Variants in DENND2A observed in about 807,000 individuals in gnomAD.
DENND2A encodes the protein DENN domain-containing protein 2A.
A neutral mutation model predicts 105.3 loss-of-function variants in DENND2A; 53 were observed. The ratio of observed to expected loss-of-function variants is 0.50; its 90% CI spans 0.40 to 0.63. The LOEUF is 0.63. Ranked by LOEUF, DENND2A falls within the 30% of genes least tolerant of loss-of-function variation. The probability of loss-of-function intolerance (pLI) is 0.00; values close to 1 mark genes in which losing one functional copy is unlikely to be tolerated. For synonymous variants in DENND2A, 522 were observed against 508.4 expected, an observed-to-expected ratio of 1.03 and a Z score of -0.36; for missense variants, 1,138 against 1,279.6, an observed-to-expected ratio of 0.89 and a Z score of 1.69.
rs535097603 is a variant in DENND2A, at chr7:140,556,656, C to T, written c.1960-943G>A. Among the ~76,000 whole-genome samples, 535 of 152,286 alleles carry T rather than the reference C, an allele frequency of 3.5e-3. 4 individuals are homozygous for T. The highest frequency in any genetic ancestry group is 6.2e-3 in the South Asian group (30 of 4,828). Reference sequence around the variant, plus strand: ...CCCGACCTCAGTCTCAATACTTTAACCCTAAAGTAATTTGATCAACAAAAT... The same window carrying T: ...CCCGACCTCAGTCTCAATACTTTAATCCTAAAGTAATTTGATCAACAAAAT... On this transcript the variant is annotated intron_variant, in intron 11 of 19. Transcript: ENST00000496613.
chr7:140,640,629 G>A lies in DENND2A; in HGVS notation c.-373C>T, dbSNP rs1476748599. On this transcript the variant is annotated 5_prime_UTR_variant, in exon 1 of 20. Transcript: ENST00000496613. This position sits in a 1 kb window ranked among gnomAD's most constrained non-coding sequence, Gnocchi z 4.9. The stretch of plus-strand genomic sequence containing the variant: ...GGTGCCGGGGACGCCATGGCCCTCC[G>A]CCCTCCGCCCCTTTGTCCGCCGAGC... 6.8e-6 allele frequency: 1 copy of A among 148,076 alleles called. No individual in the cohort carries two copies. The highest frequency in any genetic ancestry group is 1.5e-5 in the Non-Finnish European group (1 of 66,382). 9.2% of individuals were successfully genotyped at this position (148,076 alleles called of 1,614,324 possible).
intron 12 of DENND2A, among the ~76,000 whole-genome samples, chr7:140,554,815 T>C (rs142730613): frequency 1.3e-5 from 2 of 152,324 alleles, no homozygotes; most frequent in Non-Finnish European, 2.9e-5. Flanking sequence ...TGCGTTCATA[T>C]GTTGGCTCAT....
intron 1 of DENND2A, among the ~76,000 whole-genome samples, chr7:140,639,543 T>C (rs1282214784): frequency 1.3e-5 from 2 of 152,134 alleles, no homozygotes; most frequent in African/African-American, 4.8e-5. Context: ...TCTTTTGGTA[T>C]CTGATATTTG....
Position 140,518,755 on chromosome 7 carries a change from T to A in DENND2A, c.2999-17A>T. On this transcript the variant is annotated splice_polypyrimidine_tract_variant and intron_variant, in intron 19 of 19. Coordinates refer to ENST00000496613, the MANE Select transcript of DENND2A (RefSeq NM_015689.5). ...TTTTATTGCCTAAAAAAAAGGAAAA[T>A]GAGAACATTTCACAAGGCAGACAAA... 2 of 1,611,688 alleles carry A rather than the reference T, an allele frequency of 1.2e-6. No individual in the cohort carries two copies. Among genetic ancestry groups the A allele is most frequent in the Non-Finnish European group, 1.7e-6 (2 of 1,178,028 alleles).
intron 12 of DENND2A, among the ~76,000 whole-genome samples, chr7:140,551,433 T>C (rs898302527): frequency 2.3e-4 from 35 of 152,148 alleles, no homozygotes; most frequent in Admixed American, 8.5e-4. Context: ...CTTCGTGTTT[T>C]GTGTGCCCTT....
chr7:140,566,601 A>C (rs1450117711), intron 9 of DENND2A, among the ~76,000 whole-genome samples: 1 of 151,942 alleles, frequency 6.6e-6, no homozygotes, highest in Admixed American at 6.6e-5. Context: ...CTGGCTGGAT[A>C]AGGAGATGGA....
chr7:140,607,353 A>C (rs1319599081), intron 1 of DENND2A, among the ~76,000 whole-genome samples: 1 of 152,190 alleles, frequency 6.6e-6, no homozygotes, highest in Non-Finnish European at 1.5e-5. Flanking sequence ...CATGGGTAAC[A>C]AATGAACAAG....
At chr7:140,600,031 C>T (rs1799425474) in intron 3 of DENND2A, among the ~76,000 whole-genome samples, 1 of 151,788 alleles carries the variant, frequency 6.6e-6, no homozygotes, top group Non-Finnish European at 1.5e-5. Context: ...ACCAAAGGAC[C>T]TGGTGATGAA....
At chr7:140,564,735 T>A (rs1418599346) in intron 9 of DENND2A, among the ~76,000 whole-genome samples, 1 of 152,158 alleles carries the variant, frequency 6.6e-6, no homozygotes, top group Admixed American at 6.5e-5. Context: ...TTATGGTGAG[T>A]CATTAATTAA....
Position 140,601,430 on chromosome 7 carries a change from C to G in DENND2A, c.968G>C (p.Gly323Ala). 6.2e-7 allele frequency: 1 copy of G among 1,606,918 alleles called. No homozygotes were observed. The highest frequency in any genetic ancestry group is 8.5e-7 in the Non-Finnish European group (1 of 1,176,926). Residue 323 changes from glycine (G) to alanine (A), a missense_variant, in exon 3 of 20, where the codon GGG becomes GCG. By Grantham distance (60) the Gly-to-Ala change is moderately conservative. Around this residue, in one of 2 missense-constraint regions of DENND2A, gnomAD observed 511 missense variants for 499.9 expected, o/e 1.02. Coordinates refer to ENST00000496613, the MANE Select transcript of DENND2A (RefSeq NM_015689.5). ...PSSVNRRLWT[G>A]RQKSSADHRK... ...GTGGTCTGCACTGGATTTCTGTCTC[C>G]CGGTCCACAGTCTTCTGTTCACAGA...
chr7:140,611,177 G>C (rs1042562707), intron 1 of DENND2A, among the ~76,000 whole-genome samples: 2 of 152,108 alleles, frequency 1.3e-5, no homozygotes, highest in Non-Finnish European at 2.9e-5. Flanking sequence ...AAGTAGCTGG[G>C]ATTACAGGCA....
rs1193221952 is a variant in DENND2A, at chr7:140,569,673, G to A, written c.1512C>T (p.Ser504=). 2 of 1,613,538 alleles carry A rather than the reference G, an allele frequency of 1.2e-6. No individual in the cohort carries two copies. The highest frequency in any genetic ancestry group is 4.5e-5 in the East Asian group (2 of 44,862). The change falls in exon 7 of 20, where the codon TCC becomes TCT. Residue 504 remains serine, a synonymous_variant. Coordinates refer to ENST00000496613, the MANE Select transcript of DENND2A (RefSeq NM_015689.5). Reference sequence around the variant, plus strand: ...TTCCTGAGTTGCTCTCCATTGACTGGGACAGCCTCTTCACCCGTTTCTTTC... The same window carrying A: ...TTCCTGAGTTGCTCTCCATTGACTGAGACAGCCTCTTCACCCGTTTCTTTC... ...RRGKKRVKRL[S]QSMESNSGKV...
intron 1 of DENND2A, among the ~76,000 whole-genome samples, chr7:140,634,611 C>T (rs142673035): frequency 2.3e-4 from 35 of 152,224 alleles, no homozygotes; most frequent in African/African-American, 8.2e-4. Context: ...TGGCTCATGC[C>T]TGTAATTCCA....
chr7:140,532,889 G>GGAGGCACAGT (rs5887979), intron 14 of DENND2A, among the ~76,000 whole-genome samples: 76,303 of 151,474 alleles, frequency 0.5, 20,325 homozygotes, highest in African/African-American at 0.69. Flanking sequence ...TATATAAAAA[G>GGAGGCACAGT]GAGGATAGCC....
chr7:140,593,357 A>G (rs982618519), intron 3 of DENND2A, among the ~76,000 whole-genome samples: 1 of 152,200 alleles, frequency 6.6e-6, no homozygotes, highest in African/African-American at 2.4e-5. Context: ...ATCGTTTGAT[A>G]TTTGGTGCTT....
intron 11 of DENND2A, among the ~76,000 whole-genome samples, chr7:140,556,321 T>G (rs988156352): frequency 2.0e-5 from 3 of 150,976 alleles, no homozygotes; most frequent in Non-Finnish European, 4.4e-5. Context: ...CTGCCCAATC[T>G]CAATACTTTT....
intron 5 of DENND2A, among the ~76,000 whole-genome samples, chr7:140,575,256 G>A (rs1798254018): frequency 6.6e-6 from 1 of 152,016 alleles, no homozygotes; most frequent in South Asian, 2.1e-4. Context: ...CAAGAGAAAA[G>A]AAAATTAAAG....
Position 140,567,126 on chromosome 7 carries a change from G to GT in DENND2A, c.1738_1739insA (p.Ala580AspfsTer26). On this transcript the variant is annotated frameshift_variant, in exon 9 of 20. Transcript: ENST00000496613. LOFTEE classifies it high-confidence loss of function. ...TTGGGTGAGTTCTGGCACGTAGGCA[G>GT]CCCCGGCCTGCTTCTTGTGCAAAGA... The GT allele has an allele frequency of 6.2e-7, 1 of 1,608,032 alleles. No individual in the cohort carries two copies. The highest frequency in any genetic ancestry group is 1.1e-5 in the South Asian group (1 of 89,622).
Position 140,524,799 on chromosome 7 carries a change from C to CT in DENND2A, c.2547+951dup, listed in dbSNP as rs548288103. ...TCTCACCATGTTGTCCCAGGCTGGTCTTTAACTCCTGGGCTCAAGTGATCC... is the reference window on the plus strand; with the variant it reads ...TCTCACCATGTTGTCCCAGGCTGGTCTTTTAACTCCTGGGCTCAAGTGATCC... On this transcript the variant is annotated intron_variant, in intron 16 of 19. Coordinates refer to ENST00000496613, the MANE Select transcript of DENND2A (RefSeq NM_015689.5). Among the ~76,000 whole-genome samples, 420 of 151,460 alleles carry CT rather than the reference C, an allele frequency of 2.8e-3. 3 individuals carry two copies. The highest frequency in any genetic ancestry group is 9.5e-3 in the African/African-American group (390 of 41,260).
Sources: allele counts gnomAD v4.1 joint callset (sites outside exome capture counted in the v4.1 genomes callset), GRCh38; gene constraint gnomAD v4.1.1; regional missense constraint gnomAD v4.1.1; non-coding constraint Gnocchi (gnomAD v3.1); transcripts MANE v1.5; gene names NCBI Gene and HGNC (gene_info 2026-07-23, HGNC 2026-07-21).